TYW1B: variants seen among roughly 807,000 people sequenced by gnomAD.
TYW1B encodes the protein tRNA-yW synthesizing protein 1 homolog B, also known as S-adenosyl-L-methionine-dependent tRNA 4-demethylwyosine synthase TYW1B.
In TYW1B, 73 loss-of-function variants were observed where a neutral mutation model predicts 86.9. The observed-to-expected ratio is 0.84, with a 90% CI of 0.70 to 1.02. The LOEUF is 1.02. Ranked by LOEUF, TYW1B falls within the 50% of genes least tolerant of loss-of-function variation. TYW1B has a pLI of 0.00. For missense variants in TYW1B, 637 were observed against 827.4 expected, an observed-to-expected ratio of 0.77 and a Z score of 2.82; for synonymous variants, 248 against 292.8, an observed-to-expected ratio of 0.85 and a Z score of 1.56.
chr7:72,616,590 G>C (rs1345261380), intron 13 of TYW1B, 82 bp downstream of exon 13: 17 of 1,606,760 alleles, frequency 1.1e-5, no homozygotes, highest in Middle Eastern at 3.3e-4. Flanking sequence ...CTATAACAAC[G>C]TAAGAGGAAA....
At chr7:72,821,780 T>C (rs1199025238) in intron 2 of TYW1B, among the ~76,000 whole-genome samples, 1 of 152,104 alleles carries the variant, frequency 6.6e-6, no homozygotes, top group African/African-American at 2.4e-5. Flanking sequence ...AAGGATAAAG[T>C]TGTCATTTAC....
At chr7:72,716,631 C>CTGTTGTTGTTGT (rs138304885) in intron 9 of TYW1B, among the ~76,000 whole-genome samples, 6 of 149,070 alleles carry the variant, frequency 4.0e-5, no homozygotes, top group African/African-American at 1.2e-4. Context: ...GGGGCTGTGG[C>CTGTTGTTGTTGT]TGTTGTTGTT....
chr7:72,766,635 A>T (rs1271882029), intron 7 of TYW1B, among the ~76,000 whole-genome samples: 2 of 119,012 alleles, frequency 1.7e-5, no homozygotes, highest in African/African-American at 6.3e-5. Flanking sequence ...AAAAAAAAAC[A>T]TAACTACAGG....
At chr7:72,676,482 G>A (rs1199458996) in intron 11 of TYW1B, among the ~76,000 whole-genome samples, 4 of 152,180 alleles carry the variant, frequency 2.6e-5, no homozygotes, top group Non-Finnish European at 5.9e-5. Flanking sequence ...AGCAAACCCT[G>A]AGTGGTACAG....
chr7:72,602,833 A>AACACACACACACACACACACACACAC (rs55709140), intron 13 of TYW1B, among the ~76,000 whole-genome samples: 1 of 128,034 alleles, frequency 7.8e-6, no homozygotes, highest in Non-Finnish European at 1.6e-5. Context: ...AAGTGCTCAA[A>AACACACACACACACACACACACACAC]ACACACACAC....
chr7:72,603,498 A>T (rs1471512957), intron 13 of TYW1B, among the ~76,000 whole-genome samples: 1 of 152,230 alleles, frequency 6.6e-6, no homozygotes, highest in African/African-American at 2.4e-5. Flanking sequence ...ATTCCAAATA[A>T]CTTACATAGA....
intron 7 of TYW1B, among the ~76,000 whole-genome samples, chr7:72,748,098 G>A (rs1314209300): frequency 2.6e-5 from 4 of 152,002 alleles, no homozygotes; most frequent in East Asian, 1.9e-4. Flanking sequence ...GTGAAACCCC[G>A]TCTCTACTAA....
intron 13 of TYW1B, among the ~76,000 whole-genome samples, chr7:72,601,479 T>C (rs1461574892): frequency 1.3e-5 from 2 of 152,076 alleles, no homozygotes; most frequent in African/African-American, 4.8e-5. Flanking sequence ...ACACTTAACA[T>C]AATCCTACCA....
chr7:72,808,853 C>T (rs1487846529), intron 4 of TYW1B, among the ~76,000 whole-genome samples: 1 of 151,928 alleles, frequency 6.6e-6, no homozygotes, highest in Non-Finnish European at 1.5e-5. Context: ...GAAAATTCCC[C>T]ACCTCCACCG....
At chr7:72,628,472 T>C (rs1300524519) in intron 12 of TYW1B, among the ~76,000 whole-genome samples, 5 of 152,084 alleles carry the variant, frequency 3.3e-5, no homozygotes, top group Non-Finnish European at 7.4e-5. Context: ...AGTTGATCAT[T>C]TTTGAAGGTG....
chr7:72,707,006 T>C (rs1316079137), intron 10 of TYW1B, among the ~76,000 whole-genome samples: 2 of 152,198 alleles, frequency 1.3e-5, no homozygotes, highest in Admixed American at 6.5e-5. Flanking sequence ...TTCTGAAGAA[T>C]ACTGAGCCCC....
intron 11 of TYW1B, among the ~76,000 whole-genome samples, chr7:72,675,548 T>TAC (rs1390328358): frequency 2.0e-5 from 3 of 149,150 alleles, no homozygotes; most frequent in African/African-American, 7.4e-5. Context: ...AGTATATATA[T>TAC]ATATATATAC....
intron 10 of TYW1B, among the ~76,000 whole-genome samples, chr7:72,709,350 T>C (rs1814688447): frequency 6.6e-6 from 1 of 152,156 alleles, no homozygotes; most frequent in Non-Finnish European, 1.5e-5. Context: ...CCCTTCATAT[T>C]AGGAGCTTCA....
At chr7:72,694,086 A>C (rs1470202264) in intron 11 of TYW1B, among the ~76,000 whole-genome samples, 1 of 151,998 alleles carries the variant, frequency 6.6e-6, no homozygotes, top group Non-Finnish European at 1.5e-5. Flanking sequence ...TCAGCCTCCC[A>C]AACAGCTGGG....
chr7:72,663,515 T>C (rs1339571470), intron 11 of TYW1B, among the ~76,000 whole-genome samples: 2 of 151,746 alleles, frequency 1.3e-5, no homozygotes, highest in African/African-American at 4.8e-5. Flanking sequence ...TCCCAGCACT[T>C]TGGGAGGCCG....
At chr7:72,697,115 T>C (rs567097166) in intron 10 of TYW1B, among the ~76,000 whole-genome samples, 38 of 151,950 alleles carry the variant, frequency 2.5e-4, no homozygotes, top group African/African-American at 8.7e-4. Flanking sequence ...TAACAGGACT[T>C]TGTCAAAAGC....
chr7:72,792,824 C>T (rs139393036), intron 6 of TYW1B, among the ~76,000 whole-genome samples: 122 of 152,060 alleles, frequency 8.0e-4, no homozygotes, highest in African/African-American at 2.5e-3. Flanking sequence ...CATGTTAAAG[C>T]GAAAGAAAAG....
intron 13 of TYW1B, among the ~76,000 whole-genome samples, chr7:72,594,107 A>G (rs1444824118): frequency 6.6e-6 from 1 of 152,002 alleles, no homozygotes; most frequent in African/African-American, 2.4e-5. Context: ...AACTTCAGGA[A>G]CTAAAAACAG....
chr7:72,774,035 C>A (rs1378867069), intron 7 of TYW1B, among the ~76,000 whole-genome samples: 6 of 140,640 alleles, frequency 4.3e-5, no homozygotes, highest in Non-Finnish European at 6.0e-5. Context: ...GCACCCCAGA[C>A]TGGGCAACAA....
Sources: gnomAD v4.1 joint callset for allele counts (sites outside exome capture counted in the v4.1 genomes callset) on GRCh38, gnomAD v4.1.1 for gene constraint, MANE v1.5 for transcripts, NCBI Gene and HGNC (gene_info 2026-07-23, HGNC 2026-07-21) for gene names.